The following TCF12 variants were observed in gnomAD, a reference collection of about 807,000 sequenced individuals.
TCF12 encodes the protein transcription factor 12, also known as DNA-binding protein HTF4.
A neutral mutation model predicts 86.0 loss-of-function variants in TCF12; 45 were observed. The observed-to-expected ratio is 0.52, with a 90% CI of 0.41 to 0.67. TCF12 has a LOEUF of 0.67. TCF12 is among the 30% of genes least tolerant of loss of function. The pLI is 0.00. For synonymous variants in TCF12, 330 were observed against 299.6 expected (o/e 1.10, Z -1.05); for missense variants, 881 against 859.9 (o/e 1.02, Z -0.31).
chr15:57,070,297 G>C (rs1471942253), intron 4 of TCF12, among the ~76,000 whole-genome samples: 2 of 152,006 alleles, frequency 1.3e-5, no homozygotes, highest in Admixed American at 1.3e-4. Flanking sequence ...TGAGGATTCA[G>C]TTCATTTAAA....
chr15:57,200,935 C>A (rs1333887607), intron 8 of TCF12, among the ~76,000 whole-genome samples: 8 of 152,068 alleles, frequency 5.3e-5, no homozygotes, highest in African/African-American at 1.9e-4. Flanking sequence ...GCTGTATAGC[C>A]TTAGATTAGT....
chr15:56,955,457 C>G (rs1234554365), intron 3 of TCF12, among the ~76,000 whole-genome samples: 1 of 151,948 alleles, frequency 6.6e-6, no homozygotes, highest in Non-Finnish European at 1.5e-5. Flanking sequence ...ATGTAAATGA[C>G]CAGTTGATGG....
chr15:57,245,055 C>T (rs2059798147), intron 13 of TCF12, among the ~76,000 whole-genome samples: 1 of 152,186 alleles, frequency 6.6e-6, no homozygotes, highest in African/African-American at 2.4e-5. Flanking sequence ...TTACCATATT[C>T]CTCCAACAAC....
intron 13 of TCF12, chr15:57,247,534 T>A: frequency 1.1e-6 from 1 of 905,818 alleles, no homozygotes. Context: ...CATCAAAAGT[T>A]ATAAAAGCAA....
chr15:57,129,768 C>G (rs994278298), intron 5 of TCF12: 1 of 152,158 alleles, frequency 6.6e-6, no homozygotes, highest in Non-Finnish European at 1.5e-5. Flanking sequence ...TTCTTCTTTC[C>G]CATTCCTTCT....
chr15:57,007,792 C>CTTTCTTTCTT lies in TCF12; in HGVS notation c.149-55957_149-55956insTTCTTTCTTT, dbSNP rs1567241669. ...TTTCTTTCTTTCTTTCTTTCTTTCT[C>CTTTCTTTCTT]TCTTTCTTTCTTTCTTTCTTTCTTT... On this transcript the variant is annotated intron_variant, in intron 3 of 20. Coordinates refer to ENST00000333725, the MANE Select transcript of TCF12 (RefSeq NM_207037.2). Among the ~76,000 whole-genome samples, 243 of 52,588 alleles carry CTTTCTTTCTT rather than the reference C, an allele frequency of 4.6e-3. 4 individuals carry two copies. The highest frequency in any genetic ancestry group is 0.02 in the Middle Eastern group (2 of 102). 34.5% of individuals were successfully genotyped at this position (52,588 alleles called of 152,430 possible). A position where few individuals can be genotyped will look rare whatever the true frequency, so the allele number is the denominator to read the frequency against.
intron 3 of TCF12, among the ~76,000 whole-genome samples, chr15:57,032,645 A>G (rs1381341927): frequency 4.6e-5 from 7 of 152,110 alleles, no homozygotes; most frequent in Admixed American, 1.3e-4. Flanking sequence ...AGGTCTCACT[A>G]TGTTGCCCAG....
intron 5 of TCF12, among the ~76,000 whole-genome samples, chr15:57,152,964 A>G (rs1026055645): frequency 1.3e-5 from 2 of 152,198 alleles, no homozygotes; most frequent in Non-Finnish European, 2.9e-5. Context: ...AAAACACATC[A>G]TGTATAGAAC....
intron 4 of TCF12, among the ~76,000 whole-genome samples, chr15:57,075,085 T>A (rs1459344985): frequency 6.6e-6 from 1 of 152,238 alleles, no homozygotes; most frequent in African/African-American, 2.4e-5. Context: ...ATAATCAGTT[T>A]GTTGCTTTGT....
At chr15:56,951,735 G>A (rs1165123220) in intron 3 of TCF12, among the ~76,000 whole-genome samples, 1 of 152,020 alleles carries the variant, frequency 6.6e-6, no homozygotes, top group Non-Finnish European at 1.5e-5. Flanking sequence ...CTGCAGCCTC[G>A]ACCATCCAGG....
In TCF12 at chr15:57,132,725, G is replaced by C. The variant is rs541420915; in HGVS notation, c.326-33677G>C. On this transcript the variant is annotated intron_variant, in intron 5 of 20. Coordinates refer to ENST00000333725, the MANE Select transcript of TCF12 (RefSeq NM_207037.2). Reference sequence around the variant, plus strand: ...TTTTTCTTTTTAAATTGTGTCATCTGTACATGGCATATAGTCAATCAGTTA... The same window carrying C: ...TTTTTCTTTTTAAATTGTGTCATCTCTACATGGCATATAGTCAATCAGTTA... Among the ~76,000 whole-genome samples the C allele has an allele frequency of 2.0e-5, 3 of 152,188 alleles. No individual in the cohort carries two copies. The South Asian group carries it at 6.2e-4, about 32-fold the overall frequency.
intron 16 of TCF12, among the ~76,000 whole-genome samples, chr15:57,254,896 T>G (rs1193696229): frequency 1.4e-5 from 2 of 140,610 alleles, no homozygotes; most frequent in East Asian, 4.0e-4. Context: ...GAAAAAAATA[T>G]GAGAGGGTAT....
intron 4 of TCF12, among the ~76,000 whole-genome samples, chr15:57,087,993 G>A (rs1376552473): frequency 1.3e-5 from 2 of 152,102 alleles, no homozygotes; most frequent in Admixed American, 6.5e-5. Flanking sequence ...CCTTTTATTA[G>A]CATAGTAACT....
intron 20 of TCF12, among the ~76,000 whole-genome samples, chr15:57,285,490 GA>G (rs1337954097): frequency 6.6e-6 from 1 of 152,164 alleles, no homozygotes; most frequent in Non-Finnish European, 1.5e-5. Context: ...TGTGGACCAG[GA>G]ACTGGGACCA....
At chr15:57,027,828 T>C (rs1254737020) in intron 3 of TCF12, among the ~76,000 whole-genome samples, 5 of 152,138 alleles carry the variant, frequency 3.3e-5, no homozygotes, top group Admixed American at 3.3e-4. Context: ...CTGATGGTTT[T>C]ATAAAGGGCA....
At chr15:57,142,124 C>G (rs190849667) in intron 5 of TCF12, among the ~76,000 whole-genome samples, 1 of 152,154 alleles carries the variant, frequency 6.6e-6, no homozygotes, top group East Asian at 1.9e-4. Flanking sequence ...GTGCAGGATG[C>G]AGCAGCAAAT....
At chr15:57,025,481 A>ATTT (rs1319729938) in intron 3 of TCF12, among the ~76,000 whole-genome samples, 1 of 152,108 alleles carries the variant, frequency 6.6e-6, no homozygotes, top group Non-Finnish European at 1.5e-5. Flanking sequence ...TCCCTTTGGA[A>ATTT]TTTTGACCAC....
intron 5 of TCF12, among the ~76,000 whole-genome samples, chr15:57,162,641 A>G (rs922346383): frequency 1.4e-4 from 21 of 152,198 alleles, no homozygotes; most frequent in African/African-American, 3.9e-4. Flanking sequence ...TTTGAATTCA[A>G]TGTCCTTTAT....
intron 18 of TCF12, among the ~76,000 whole-genome samples, chr15:57,266,432 TTGTC>T (rs1330952082): frequency 6.6e-6 from 1 of 152,140 alleles, no homozygotes; most frequent in Non-Finnish European, 1.5e-5. Flanking sequence ...CATTTATCCA[TTGTC>T]TGTGGTTGTT....
Sources: gnomAD v4.1 joint callset for allele counts (sites outside exome capture counted in the v4.1 genomes callset) on GRCh38, gnomAD v4.1.1 for gene constraint, MANE v1.5 for transcripts, NCBI Gene and HGNC (gene_info 2026-07-23, HGNC 2026-07-21) for gene names.